Variants in NPAS3 observed in about 807,000 individuals in gnomAD.
NPAS3 encodes the protein neuronal PAS domain protein 3.
A neutral mutation model predicts 73.1 loss-of-function variants in NPAS3; 14 were observed. That is an observed-to-expected ratio of 0.19 (90% CI 0.13 to 0.30). NPAS3 has a LOEUF of 0.30. NPAS3 is among the 10% of genes least tolerant of loss of function. The pLI is 1.00. For synonymous variants in NPAS3, 620 were observed against 541.5 expected, an observed-to-expected ratio of 1.14 and a Z score of -2.01; for missense variants, 1,096 against 1,250.0, an observed-to-expected ratio of 0.88 and a Z score of 1.86.
At chr14:33,564,613 C>G (rs570879052) in intron 5 of NPAS3, among the ~76,000 whole-genome samples, 39 of 152,352 alleles carry the variant, frequency 2.6e-4, no homozygotes, top group African/African-American at 9.1e-4. Flanking sequence ...TTCACCCATA[C>G]TCACATCCTG....
At chr14:33,411,378 T>A (rs2047920377) in intron 4 of NPAS3, among the ~76,000 whole-genome samples, 1 of 152,174 alleles carries the variant, frequency 6.6e-6, no homozygotes, top group South Asian at 2.1e-4. Flanking sequence ...AGACAGGGTT[T>A]CGCCATGTTG....
At chr14:33,161,674 G>C (rs1595578942) in intron 2 of NPAS3, among the ~76,000 whole-genome samples, 1 of 152,354 alleles carries the variant, frequency 6.6e-6, no homozygotes, top group Non-Finnish European at 1.5e-5. Flanking sequence ...TAATGAGAGA[G>C]ATCAATAGTT....
At chr14:33,774,042 A>G (rs8017303) in intron 7 of NPAS3, among the ~76,000 whole-genome samples, 123,156 of 152,122 alleles carry the variant, frequency 0.81, 50,315 homozygotes, top group East Asian at 0.94. Context: ...TGCTCAACTT[A>G]TTGGTCATTT....
intron 10 of NPAS3, among the ~76,000 whole-genome samples, chr14:33,795,184 A>G (rs889419188): frequency 1.3e-5 from 2 of 152,226 alleles, no homozygotes; most frequent in Admixed American, 1.3e-4. Context: ...TCAATCAGAC[A>G]CTAATGATTA....
At chr14:33,592,007 C>G in intron 5 of NPAS3, among the ~76,000 whole-genome samples, 1 of 152,202 alleles carries the variant, frequency 6.6e-6, no homozygotes, top group Non-Finnish European at 1.5e-5. Context: ...GTAGATGGAG[C>G]TGACCTTACA....
intron 4 of NPAS3, among the ~76,000 whole-genome samples, chr14:33,380,751 C>G (rs1380721272): frequency 6.6e-5 from 10 of 152,252 alleles, no homozygotes. Flanking sequence ...TTGGACTGCC[C>G]TCACAGAGGA....
intron 4 of NPAS3, among the ~76,000 whole-genome samples, chr14:33,425,540 C>CT (rs35858110): frequency 0.27 from 37,717 of 140,370 alleles, 7,449 homozygotes; most frequent in East Asian, 0.56. Flanking sequence ...TCCACTCCAC[C>CT]TTTTTTTTTT....
chr14:33,246,906 TG>T (rs2048411053), intron 3 of NPAS3, among the ~76,000 whole-genome samples: 1 of 145,554 alleles, frequency 6.9e-6, no homozygotes. Context: ...CCCAGCTACT[TG>T]GGAGGCTGAG....
intron 2 of NPAS3, among the ~76,000 whole-genome samples, chr14:33,205,512 A>T (rs2046790059): frequency 6.6e-6 from 1 of 152,220 alleles, no homozygotes; most frequent in African/African-American, 2.4e-5. Context: ...CCTGGCAACC[A>T]TACATGTGCT....
At chr14:33,784,486 T>G (rs1253974328) in intron 9 of NPAS3, among the ~76,000 whole-genome samples, 2 of 152,234 alleles carry the variant, frequency 1.3e-5, no homozygotes, top group South Asian at 2.1e-4. Flanking sequence ...GGGAGGCAGA[T>G]TTTCCCTGGA....
intron 2 of NPAS3, among the ~76,000 whole-genome samples, chr14:33,142,457 T>C (rs949715775): frequency 1.1e-4 from 16 of 152,144 alleles, no homozygotes; most frequent in Admixed American, 6.5e-5. Context: ...TCATGCCCTA[T>C]ACTAGGATCC....
chr14:33,028,786 A>G (rs1321801265), intron 1 of NPAS3, among the ~76,000 whole-genome samples: 1 of 152,078 alleles, frequency 6.6e-6, no homozygotes, highest in Non-Finnish European at 1.5e-5. Flanking sequence ...TTTTGAGGTG[A>G]TGGAGGAGAT....
At chr14:33,591,532 A>G in intron 5 of NPAS3, among the ~76,000 whole-genome samples, 1 of 152,222 alleles carries the variant, frequency 6.6e-6, no homozygotes, top group East Asian at 1.9e-4. Flanking sequence ...TAAAGTGAGC[A>G]AAAGCAAAGC....
intron 3 of NPAS3, among the ~76,000 whole-genome samples, chr14:33,259,488 C>T (rs2048895010): frequency 2.6e-5 from 4 of 152,078 alleles, no homozygotes. Context: ...TTCCTGATAG[C>T]TATTTCTTAT....
At chr14:33,349,909 CAGG>C (rs141557966) in intron 3 of NPAS3, among the ~76,000 whole-genome samples, 5 of 152,312 alleles carry the variant, frequency 3.3e-5, no homozygotes, top group African/African-American at 1.2e-4. Context: ...TCTTCTCTAG[CAGG>C]AGAAGGGCGT....
intron 4 of NPAS3, among the ~76,000 whole-genome samples, chr14:33,388,909 C>A (rs1298019754): frequency 2.0e-5 from 3 of 152,096 alleles, no homozygotes; most frequent in Admixed American, 1.3e-4. Context: ...TTGTGCCTAG[C>A]AAATAGTAAG....
At chr14:33,626,800 G>A (rs1023286926) in intron 5 of NPAS3, among the ~76,000 whole-genome samples, 1 of 152,138 alleles carries the variant, frequency 6.6e-6, no homozygotes, top group African/African-American at 2.4e-5. Flanking sequence ...CAGTTTTGTA[G>A]TATTTTAGGT....
At chr14:33,122,007 A>G (rs150142784) in intron 2 of NPAS3, among the ~76,000 whole-genome samples, 112 of 152,286 alleles carry the variant, frequency 7.4e-4, no homozygotes, top group African/African-American at 2.6e-3. Flanking sequence ...CATGTGTACC[A>G]ATGAAATTAC....
chr14:33,221,079 C>T (rs1294381884), intron 3 of NPAS3, among the ~76,000 whole-genome samples: 3 of 152,204 alleles, frequency 2.0e-5, no homozygotes, highest in East Asian at 3.8e-4. Flanking sequence ...CTGCTTTGTG[C>T]TACAGCTCTG....
Sources: allele counts gnomAD v4.1 joint callset (sites outside exome capture counted in the v4.1 genomes callset), GRCh38; gene constraint gnomAD v4.1.1; transcripts MANE v1.5; gene names NCBI Gene and HGNC (gene_info 2026-07-23, HGNC 2026-07-21).